Variants in POMP observed in about 807,000 individuals in gnomAD.
The protein encoded by POMP is 2510048O06Rik.
In POMP, 12 loss-of-function variants were observed where a neutral mutation model predicts 20.6. The observed-to-expected ratio is 0.58, with a 90% CI of 0.37 to 0.94. The LOEUF (loss-of-function observed/expected upper bound fraction) is 0.94, where lower values mean the gene tolerates loss of function less well. Among genes scored for constraint, POMP ranks in the 40% least tolerant of loss-of-function variants. The probability of loss-of-function intolerance (pLI) is 0.01; values close to 1 mark genes in which losing one functional copy is unlikely to be tolerated. For missense variants in POMP, 136 were observed against 161.1 expected (o/e 0.84, Z 0.84); for synonymous variants, 53 against 55.0 (o/e 0.96, Z 0.16).
In POMP at chr13:28,678,029, T is replaced by C; in HGVS notation, c.359-6T>C. On this transcript the variant is annotated splice_region_variant and splice_polypyrimidine_tract_variant and intron_variant, in intron 5 of 5. Transcript: ENST00000380842. Reference sequence around the variant, plus strand: ...TTTTAAAATGTTTGTTTTTGTTTGCTTTCAGATCCATCACAAAGCGAAGTC... The same window carrying C: ...TTTTAAAATGTTTGTTTTTGTTTGCCTTCAGATCCATCACAAAGCGAAGTC... 6.2e-7 allele frequency: 1 copy of C among 1,613,644 alleles called. No individual in the cohort carries two copies. The highest frequency in any genetic ancestry group is 2.2e-5 in the East Asian group (1 of 44,872).
In POMP at chr13:28,678,116, A is replaced by G. The variant is rs780827550; in HGVS notation, c.*14A>G. 1 of 1,610,114 alleles carries G rather than the reference A, an allele frequency of 6.2e-7. No individual in the cohort carries two copies. Among genetic ancestry groups the G allele is most frequent in the Non-Finnish European group, 8.5e-7 (1 of 1,176,396 alleles). On this transcript the variant is annotated 3_prime_UTR_variant, in exon 6 of 6. Transcript: ENST00000380842. ...GGTTTACTGTAATAGTGTGCTGTTC[A>G]TGGAAACCGAGGGCTGCATCTTGTT...
At chr13:28,672,689 G>T (rs1013315806) in intron 5 of POMP, among the ~76,000 whole-genome samples, 7 of 152,096 alleles carry the variant, frequency 4.6e-5, no homozygotes, top group Non-Finnish European at 8.8e-5. Context: ...CTCAGGTCAG[G>T]TGTTTGAGAC....
At chr13:28,663,407 T>G (rs1372157101) in intron 2 of POMP, among the ~76,000 whole-genome samples, 2 of 152,112 alleles carry the variant, frequency 1.3e-5, no homozygotes, top group Admixed American at 6.6e-5. Flanking sequence ...GCCTCCCGGG[T>G]TCAAGTGATT....
At chr13:28,659,590 C>T (rs1228875901) in intron 1 of POMP, among the ~76,000 whole-genome samples, 1 of 152,144 alleles carries the variant, frequency 6.6e-6, no homozygotes, top group East Asian at 1.9e-4. Flanking sequence ...CTCTCAGACT[C>T]CTCATCTCCC....
intron 1 of POMP, among the ~76,000 whole-genome samples, chr13:28,660,556 G>A (rs535309709): frequency 5.9e-5 from 9 of 152,302 alleles, no homozygotes; most frequent in African/African-American, 1.4e-4. Context: ...TTATTAGGAA[G>A]TAACCCCATC....
intron 1 of POMP, chr13:28,660,028 C>T (rs1884306707): frequency 6.6e-6 from 1 of 152,144 alleles, no homozygotes; most frequent in South Asian, 2.1e-4. Flanking sequence ...TTATTAGAAA[C>T]AGCAAGTACT....
At chr13:28,673,439 A>T (rs866947340) in intron 5 of POMP, among the ~76,000 whole-genome samples, 2 of 152,344 alleles carry the variant, frequency 1.3e-5, no homozygotes, top group Middle Eastern at 6.8e-3. Context: ...TATATGCAGC[A>T]TCCTCTATTT....
rs758567259 is a variant in POMP at position 28,659,141 on chromosome 13, C to T, written c.-44C>T. On this transcript the variant is annotated 5_prime_UTR_variant, in exon 1 of 6. Coordinates refer to ENST00000380842, the MANE Select transcript of POMP (RefSeq NM_015932.6). ...AAACGGAAGTGAGCGGCGGGGTCGA[C>T]TGACGGTAACGGGGCAGAGAGGCTG... 3.8e-6 allele frequency: 6 copies of T among 1,570,766 alleles called. No homozygotes were observed. Among genetic ancestry groups the T allele is most frequent in the Admixed American group, 1.9e-5 (1 of 53,756 alleles).
chr13:28,659,212 A>G (rs754830362), intron 1 of POMP, 25 bp downstream of exon 1: 20 of 1,584,748 alleles, frequency 1.3e-5, no homozygotes, highest in Non-Finnish European at 1.5e-5. Context: ...GGGCGGCTGG[A>G]GTTCCACGCG....
intron 3 of POMP, 139 bp downstream of exon 3, chr13:28,664,708 G>T: frequency 1.7e-6 from 1 of 599,694 alleles, no homozygotes; most frequent in Non-Finnish European, 3.0e-6. Flanking sequence ...CAAACCCCTT[G>T]TAGGATAGAC....
intron 4 of POMP, among the ~76,000 whole-genome samples, chr13:28,671,350 A>T (rs1884541999): frequency 6.6e-6 from 1 of 151,802 alleles, no homozygotes; most frequent in African/African-American, 2.4e-5. Context: ...TTCCCTTTTT[A>T]TTTTCCTCTT....
chr13:28,664,558 T>G lies in POMP; in HGVS notation c.151T>G (p.Ser51Ala). Reference protein sequence around the residue: ...ELLPSHPLELSEKNFQLNQDK... With the variant: ...ELLPSHPLELAEKNFQLNQDK... ...TTTGCCTAGTCATCCCCTTGAATTA[T>G]CAGAAAAAAATGTAAGTATATTATT... Residue 51 changes from serine (S) to alanine (A), a missense_variant, in exon 3 of 6, where the codon TCA becomes GCA. By Grantham distance (99) the Ser-to-Ala change is moderately conservative (BLOSUM62 1). Transcript: ENST00000380842. 6.4e-7 allele frequency: 1 copy of G among 1,551,540 alleles called. No individual in the cohort carries two copies. The highest frequency in any genetic ancestry group is 8.9e-7 in the Non-Finnish European group (1 of 1,126,080).
In POMP at chr13:28,678,243, G is replaced by A. The variant is rs1884661870; in HGVS notation, c.*141G>A. The stretch of plus-strand genomic sequence containing the variant: ...TATCAGTGATCATTTAAAATTTGGA[G>A]GGGTCTTTGGTTTACAGCCATGTGA... On this transcript the variant is annotated 3_prime_UTR_variant, in exon 6 of 6. Transcript: ENST00000380842. The A allele has an allele frequency of 1.2e-6, 1 of 827,736 alleles. No individual in the cohort carries two copies. The highest frequency in any genetic ancestry group is 1.7e-5 in the African/African-American group (1 of 59,068). The allele number at this position is 827,736 out of a possible 1,614,324, so 51.3% of individuals were successfully genotyped here.
chr13:28,674,920 TC>T lies in POMP; in HGVS notation c.358+2491del, dbSNP rs201961856. Among the ~76,000 whole-genome samples, 856 of 151,880 alleles carry T rather than the reference TC, an allele frequency of 5.6e-3. 8 individuals are homozygous for T. The highest frequency in any genetic ancestry group is 0.019 in the African/African-American group (794 of 41,396). ...TGGGCATAGTGGTGTGCAGCTGTAGTCCCAGGTACTCAGGAGGCTGAGGCAG... is the reference window on the plus strand; with the variant it reads ...TGGGCATAGTGGTGTGCAGCTGTAGTCCAGGTACTCAGGAGGCTGAGGCAG... On this transcript the variant is annotated intron_variant, in intron 5 of 5. Coordinates refer to ENST00000380842, the MANE Select transcript of POMP (RefSeq NM_015932.6).
chr13:28,665,889 G>GTTGATT (rs1302788829), intron 3 of POMP, among the ~76,000 whole-genome samples: 7 of 152,224 alleles, frequency 4.6e-5, no homozygotes, highest in Admixed American at 4.6e-4. Flanking sequence ...TGTACCCAGA[G>GTTGATT]AACGGTGATT....
At chr13:28,664,416 C>A in intron 2 of POMP, 93 bp from the exon 3 acceptor site, 2 of 839,944 alleles carry the variant, frequency 2.4e-6, no homozygotes, top group Admixed American at 2.5e-5. Flanking sequence ...AAAAAACTCT[C>A]TCATGCCATC....
At chr13:28,671,191 A>G (rs1014248283) in intron 4 of POMP, among the ~76,000 whole-genome samples, 2 of 152,238 alleles carry the variant, frequency 1.3e-5, no homozygotes, top group African/African-American at 4.8e-5. Flanking sequence ...TGGCTTAGCC[A>G]TCTACTAGTC....
intron 5 of POMP, among the ~76,000 whole-genome samples, chr13:28,673,157 G>A (rs113785642): frequency 0.026 from 3,798 of 147,550 alleles, 154 homozygotes; most frequent in African/African-American, 0.091. Flanking sequence ...TGCAACTTCC[G>A]CCTCCTGAGT....
intron 5 of POMP, 72 bp from the exon 6 acceptor site, chr13:28,677,963 A>G: frequency 6.9e-7 from 1 of 1,444,190 alleles, no homozygotes; most frequent in Non-Finnish European, 9.7e-7. Context: ...CTGGATTCTT[A>G]TGTAAGCAGA....
Sources: gnomAD v4.1 joint callset for allele counts (sites outside exome capture counted in the v4.1 genomes callset) on GRCh38, gnomAD v4.1.1 for gene constraint, MANE v1.5 for transcripts, NCBI Gene and HGNC (gene_info 2026-07-23, HGNC 2026-07-21) for gene names.